ZNF710: variants seen among roughly 807,000 people sequenced by gnomAD.
The protein encoded by ZNF710 is zinc finger protein 710.
ZNF710 carries 13 observed loss-of-function variants against 50.6 expected under a neutral mutation model. The observed-to-expected ratio is 0.26, with a 90% CI of 0.17 to 0.41. The LOEUF is 0.41. Among genes scored for constraint, ZNF710 ranks in the 10% least tolerant of loss-of-function variants. The pLI is 1.00. For missense variants in ZNF710, 721 were observed against 936.6 expected, an observed-to-expected ratio of 0.77 and a Z score of 3.01; for synonymous variants, 383 against 397.0, an observed-to-expected ratio of 0.96 and a Z score of 0.42.
chr15:90,001,843 G>C (rs1898019074), intron 1 of ZNF710, among the ~76,000 whole-genome samples: 1 of 143,312 alleles, frequency 7.0e-6, no homozygotes, highest in South Asian at 2.3e-4. Context: ...TGGAGGGAGA[G>C]AGGGAGAGCC....
rs1349344776 is a variant in ZNF710 at position 90,059,592 on chromosome 15, CAG to C, written c.-28-7517_-28-7516del. The stretch of plus-strand genomic sequence containing the variant: ...AGAGAAAGGGGAAGCAAGGCAGAGA[CAG>C]GATCGCAGGAGGAAGAGACTCTCGA... On this transcript the variant is annotated intron_variant, in intron 1 of 4. Transcript: ENST00000268154. This position sits in a 1 kb window ranked among gnomAD's most constrained non-coding sequence, Gnocchi z 4.1. 6.6e-6 allele frequency among the ~76,000 whole-genome samples: 1 copy of C among 152,172 alleles called. No individual in the cohort carries two copies. Among genetic ancestry groups the C allele is most frequent in the Non-Finnish European group, 1.5e-5 (1 of 68,016 alleles).
At chr15:90,060,512 C>T (rs1352406156) in intron 1 of ZNF710, among the ~76,000 whole-genome samples, 1 of 151,894 alleles carries the variant, frequency 6.6e-6, no homozygotes, top group Non-Finnish European at 1.5e-5. Context: ...TATGATGGCA[C>T]CACTGCACTC....
intron 1 of ZNF710, among the ~76,000 whole-genome samples, chr15:90,037,163 C>T (rs765317893): frequency 7.9e-5 from 12 of 152,130 alleles, no homozygotes; most frequent in African/African-American, 2.4e-4. Flanking sequence ...TGGAGTTATT[C>T]GAAGGGCTTT....
chr15:90,071,033 C>T (rs548041321), intron 2 of ZNF710, among the ~76,000 whole-genome samples: 224 of 152,178 alleles, frequency 1.5e-3, no homozygotes, highest in Non-Finnish European at 2.2e-3. Context: ...GAGGCCGAGG[C>T]GGGCAGATCA....
chr15:90,010,009 CTCATCACTCTGGG>C (rs1898256657), intron 1 of ZNF710, among the ~76,000 whole-genome samples: 1 of 152,150 alleles, frequency 6.6e-6, no homozygotes, highest in Non-Finnish European at 1.5e-5. Flanking sequence ...TTGGGTCTGG[CTCATCACTCTGGG>C]TCCTTTTCCT....
rs754543003 is a variant in ZNF710 at position 90,068,050 on chromosome 15, A to G, written c.913A>G (p.Thr305Ala). 6.2e-7 allele frequency: 1 copy of G among 1,614,118 alleles called. No individual in the cohort carries two copies. Among genetic ancestry groups the G allele is most frequent in the Non-Finnish European group, 8.5e-7 (1 of 1,180,048 alleles). ...GTGCCGCATGTGCGAGAAGTCCTAC[A>G]CGTCCAAGTACAACCTGGTGACGCA... ...WQCRMCEKSY[T>A]SKYNLVTHIL... The change falls in exon 2 of 5, where the codon ACG becomes GCG. Residue 305 changes from threonine to alanine, a missense_variant. Physicochemically the swap from Thr to Ala is moderately conservative, Grantham distance 58. Around this residue, in one of 3 missense-constraint regions of ZNF710, gnomAD observed 326 missense variants for 522.0 expected, o/e 0.62. Transcript: ENST00000268154. This position sits in a 1 kb window ranked among gnomAD's most constrained non-coding sequence, Gnocchi z 5.0.
chr15:90,038,272 A>G (rs1899189724), intron 1 of ZNF710, among the ~76,000 whole-genome samples: 1 of 152,250 alleles, frequency 6.6e-6, no homozygotes, highest in South Asian at 2.1e-4. Flanking sequence ...GACACAAAGA[A>G]TAAGTCACAA....
At chr15:90,037,961 G>A (rs1474968758) in intron 1 of ZNF710, among the ~76,000 whole-genome samples, 2 of 152,200 alleles carry the variant, frequency 1.3e-5, no homozygotes, top group Non-Finnish European at 2.9e-5. Context: ...AGGGTCTGGT[G>A]TCTACTCCCC....
At chr15:90,073,617 C>T (rs1900471748) in intron 3 of ZNF710, among the ~76,000 whole-genome samples, 1 of 152,074 alleles carries the variant, frequency 6.6e-6, no homozygotes, top group Non-Finnish European at 1.5e-5. Flanking sequence ...CAGTGACCCC[C>T]AATGGATGGC....
At chr15:90,032,611 C>G (rs1596277380) in intron 1 of ZNF710, among the ~76,000 whole-genome samples, 3 of 151,854 alleles carry the variant, frequency 2.0e-5, no homozygotes, top group African/African-American at 7.3e-5. Context: ...AACCCCATCT[C>G]CACTAAAAAT....
At position 90,081,460 on chromosome 15, in the gene ZNF710, T is replaced by G. The variant is rs1259465418; in HGVS notation, c.*1631T>G. The G allele has an allele frequency of 3.3e-5, 5 of 152,214 alleles. No individual in the cohort carries two copies. Among genetic ancestry groups the G allele is most frequent in the Non-Finnish European group, 1.5e-5 (1 of 68,092 alleles). The allele number at this position is 152,214 out of a possible 1,614,324, so 9.4% of individuals were successfully genotyped here. ...CAGCCTGCGGTGGGAGGAACCAATC[T>G]GCAGCGCAGCCACCCCCAAGGCTGG... On this transcript the variant is annotated 3_prime_UTR_variant, in exon 5 of 5. Transcript: ENST00000268154.
chr15:90,066,550 T>G (rs1418505707), intron 1 of ZNF710, among the ~76,000 whole-genome samples: 1 of 147,780 alleles, frequency 6.8e-6, no homozygotes, highest in Non-Finnish European at 1.5e-5. Flanking sequence ...CGATCTCGGC[T>G]CACTGCAACC....
At chr15:90,018,990 G>A (rs1898532947) in intron 1 of ZNF710, among the ~76,000 whole-genome samples, 1 of 130,904 alleles carries the variant, frequency 7.6e-6, no homozygotes, top group Non-Finnish European at 1.7e-5. Flanking sequence ...TTAGAAAATA[G>A]CTTTTATTGA....
chr15:90,027,597 A>G (rs1001243936), intron 1 of ZNF710, among the ~76,000 whole-genome samples: 2 of 152,294 alleles, frequency 1.3e-5, no homozygotes, highest in African/African-American at 4.8e-5. Flanking sequence ...CATGCCTGTA[A>G]TACTAGCACT....
At position 90,068,292 on chromosome 15, in the gene ZNF710, C is replaced by G. The variant is rs763530100; in HGVS notation, c.1155C>G (p.Gly385=). Residue 385 remains glycine (G), a synonymous_variant, in exon 2 of 5, where the codon GGC becomes GGG. Coordinates refer to ENST00000268154, the MANE Select transcript of ZNF710 (RefSeq NM_198526.4). This position sits in a 1 kb window ranked among gnomAD's most constrained non-coding sequence, Gnocchi z 5.0. ...EVKPYSCHFC[G]RGFAYPSELK... ...AGCCCTACAGCTGCCACTTCTGCGG[C>G]CGCGGCTTCGCCTACCCCAGCGAGC... 8.1e-6 allele frequency: 13 copies of G among 1,612,840 alleles called. No individual in the cohort carries two copies. Among genetic ancestry groups the G allele is most frequent in the Non-Finnish European group, 1.1e-5 (13 of 1,180,024 alleles).
chr15:90,034,303 C>G lies in ZNF710; in HGVS notation c.-29+32689C>G, dbSNP rs1000855383. 6.6e-6 allele frequency among the ~76,000 whole-genome samples: 1 copy of G among 152,186 alleles called. No homozygotes were observed. The highest frequency in any genetic ancestry group is 1.5e-5 in the Non-Finnish European group (1 of 68,028). On this transcript the variant is annotated intron_variant, in intron 1 of 4. Coordinates refer to ENST00000268154, the MANE Select transcript of ZNF710 (RefSeq NM_198526.4). The surrounding 1 kb of genome is among the most constrained non-coding windows in gnomAD (Gnocchi z 4.0). ...AACAAGATATCACATGCAAGAGGCT[C>G]TACACATGGTCTGCACTCAGGAAAG...
intron 1 of ZNF710, among the ~76,000 whole-genome samples, chr15:90,061,408 G>C (rs529628144): frequency 6.6e-6 from 1 of 152,152 alleles, no homozygotes; most frequent in Non-Finnish European, 1.5e-5. Context: ...CTGAGCTCAA[G>C]TGATCCGCCT....
In ZNF710 at chr15:90,008,454, G is replaced by GTATA. The variant is rs1378957319; in HGVS notation, c.-29+6849_-29+6852dup. On this transcript the variant is annotated intron_variant, in intron 1 of 4. Transcript: ENST00000268154. ...TATATATATATACATATATATATAT[G>GTATA]TATATATATATACATGAAGTAAAAG... Among the ~76,000 whole-genome samples the GTATA allele has an allele frequency of 1.3e-3, 167 of 124,946 alleles. 7 individuals carry two copies. Among genetic ancestry groups the GTATA allele is most frequent in the African/African-American group, 5.9e-3 (160 of 26,898 alleles). The allele number at this position is 124,946 out of a possible 152,430, so 82.0% of individuals were successfully genotyped here.
chr15:90,016,108 T>G (rs757962213), intron 1 of ZNF710, among the ~76,000 whole-genome samples: 2 of 152,174 alleles, frequency 1.3e-5, no homozygotes, highest in Non-Finnish European at 2.9e-5. Context: ...GTGTATCTTT[T>G]TCTGTATTTT....
Sources: allele counts gnomAD v4.1 joint callset (sites outside exome capture counted in the v4.1 genomes callset), GRCh38; gene constraint gnomAD v4.1.1; regional missense constraint gnomAD v4.1.1; non-coding constraint Gnocchi (gnomAD v3.1); transcripts MANE v1.5; gene names NCBI Gene and HGNC (gene_info 2026-07-23, HGNC 2026-07-21).